VIPR2: variants seen among roughly 807,000 people sequenced by gnomAD.
VIPR2 encodes vasoactive intestinal peptide receptor 2.
VIPR2 carries 48 observed loss-of-function variants against 58.0 expected under a neutral mutation model. The ratio of observed to expected loss-of-function variants is 0.83; its 90% CI spans 0.66 to 1.05. VIPR2 has a LOEUF of 1.05. Ranked by LOEUF, VIPR2 falls within the 50% of genes least tolerant of loss-of-function variation. VIPR2 has a pLI of 0.00. For missense variants in VIPR2, 534 were observed against 558.0 expected, an observed-to-expected ratio of 0.96 and a Z score of 0.43; for synonymous variants, 243 against 235.2, an observed-to-expected ratio of 1.03 and a Z score of -0.30.
At chr7:159,046,873 T>C (rs542553564) in intron 5 of VIPR2, among the ~76,000 whole-genome samples, 1 of 152,344 alleles carries the variant, frequency 6.6e-6, no homozygotes, top group African/African-American at 2.4e-5. Flanking sequence ...AAAAATATTT[T>C]ACAAAAAGTG....
chr7:159,065,705 C>T (rs1311420137), intron 4 of VIPR2, among the ~76,000 whole-genome samples: 6 of 152,298 alleles, frequency 3.9e-5, no homozygotes, highest in South Asian at 2.1e-4. Context: ...GCACAGGAAA[C>T]GAGAAGACAT....
At chr7:159,104,270 T>G (rs72505600) in intron 3 of VIPR2, among the ~76,000 whole-genome samples, 1,763 of 141,808 alleles carry the variant, frequency 0.012, 30 homozygotes, top group Admixed American at 0.039. Flanking sequence ...GGCCAGGCCC[T>G]CACCACCGAC....
rs983667470 is a variant in VIPR2 at position 159,031,583 on chromosome 7, C to G, written c.1143+245G>C. ...GAGCTTTCCCGAGAGGGCTCCGAGA[C>G]GGACGGCAGTCGATGCTACTTAGGG... On this transcript the variant is annotated intron_variant, in intron 12 of 12. Coordinates refer to ENST00000262178, the MANE Select transcript of VIPR2 (RefSeq NM_003382.5). This position sits in a 1 kb window ranked among gnomAD's most constrained non-coding sequence, Gnocchi z 4.0. 17 of 985,338 alleles carry G rather than the reference C, an allele frequency of 1.7e-5. No individual in the cohort carries two copies. The highest frequency in any genetic ancestry group is 2.0e-5 in the Non-Finnish European group (17 of 829,912). The allele number at this position is 985,338 out of a possible 1,614,324, so 61.0% of individuals were successfully genotyped here.
intron 2 of VIPR2, among the ~76,000 whole-genome samples, chr7:159,137,618 G>C (rs1797282899): frequency 6.6e-6 from 1 of 152,162 alleles, no homozygotes; most frequent in African/African-American, 2.4e-5. Flanking sequence ...TTACCCTCCT[G>C]CCTCGATCTC....
rs1174846452 is a variant in VIPR2 at position 159,030,651 on chromosome 7, G to A, written c.1282C>T (p.Gln428Ter). Residue 428 changes from glutamine (Q) to a stop codon, truncating the protein, a stop_gained, in exon 13 of 13, where the codon CAG becomes TAG. Transcript: ENST00000262178. LOFTEE classifies it high-confidence loss of function. The part of the protein sequence containing the change: ...ALQFHRGSRA[Q>*]SFLQTETSVI ...GAGGTCTCCGTTTGCAGGAAGGACTGGGCGCGGGAGCCGCGGTGGAACTGC... is the reference window on the plus strand; with the variant it reads ...GAGGTCTCCGTTTGCAGGAAGGACTAGGCGCGGGAGCCGCGGTGGAACTGC... 94 of 1,558,252 alleles carry A rather than the reference G, an allele frequency of 6.0e-5. No individual in the cohort carries two copies. The highest frequency in any genetic ancestry group is 8.1e-5 in the Non-Finnish European group (93 of 1,152,562).
chr7:159,059,881 T>C (rs79476920), intron 4 of VIPR2, among the ~76,000 whole-genome samples: 11,319 of 149,026 alleles, frequency 0.076, 618 homozygotes, highest in Non-Finnish European at 0.11. Context: ...CACCTAACCA[T>C]GACCCTCACC....
chr7:159,126,474 G>C (rs777395438), intron 2 of VIPR2, among the ~76,000 whole-genome samples: 4 of 152,216 alleles, frequency 2.6e-5, no homozygotes, highest in Admixed American at 2.6e-4. Context: ...GGCAGAAACA[G>C]AGAGGAAAGA....
chr7:159,144,559 G>T (rs767788012), intron 1 of VIPR2, 162 bp downstream of exon 1: 10 of 1,456,938 alleles, frequency 6.9e-6, no homozygotes, highest in Non-Finnish European at 9.1e-6. Flanking sequence ...CACGCTCTCC[G>T]GGAGGAAGCT....
At chr7:159,063,860 T>TCTGGGGGTCCTGGTGGGG (rs1855900634) in intron 4 of VIPR2, among the ~76,000 whole-genome samples, 2 of 17,264 alleles carry the variant, frequency 1.2e-4, no homozygotes, top group Non-Finnish European at 1.1e-4. Context: ...GCCTGGTGGG[T>TCTGGGGGTCCTGGTGGGG]TCCGGGGGTC....
chr7:159,126,995 CT>C (rs1197405418), intron 2 of VIPR2, among the ~76,000 whole-genome samples: 1 of 152,220 alleles, frequency 6.6e-6, no homozygotes, highest in Non-Finnish European at 1.5e-5. Context: ...TAACATCCCC[CT>C]GGCTGGCAAG....
At chr7:159,071,277 A>T (rs1856374940) in intron 4 of VIPR2, among the ~76,000 whole-genome samples, 1 of 152,182 alleles carries the variant, frequency 6.6e-6, no homozygotes, top group Non-Finnish European at 1.5e-5. Flanking sequence ...AACTGCACAG[A>T]GGGTCTCTTC....
intron 4 of VIPR2, among the ~76,000 whole-genome samples, chr7:159,074,692 C>T (rs73730149): frequency 3.9e-5 from 6 of 152,114 alleles, no homozygotes; most frequent in Non-Finnish European, 8.8e-5. Flanking sequence ...AAATCTATAA[C>T]AACTTGTTTT....
chr7:159,030,456 C>A lies in VIPR2; in HGVS notation c.*160G>T. 1.3e-6 allele frequency: 1 copy of A among 766,300 alleles called. No homozygotes were observed. Among genetic ancestry groups the A allele is most frequent in the Non-Finnish European group, 1.9e-6 (1 of 521,262 alleles). 47.5% of individuals were successfully genotyped at this position (766,300 alleles called of 1,614,324 possible). Reference sequence around the variant, plus strand: ...GTCAATGACAACACGACTCCAATTCCAGGTATGGGGTTTAGTGGACAACCA... The same window carrying A: ...GTCAATGACAACACGACTCCAATTCAAGGTATGGGGTTTAGTGGACAACCA... On this transcript the variant is annotated 3_prime_UTR_variant, in exon 13 of 13. Coordinates refer to ENST00000262178, the MANE Select transcript of VIPR2 (RefSeq NM_003382.5).
At chr7:159,071,496 T>C (rs1856388322) in intron 4 of VIPR2, among the ~76,000 whole-genome samples, 1 of 152,170 alleles carries the variant, frequency 6.6e-6, no homozygotes, top group Non-Finnish European at 1.5e-5. Flanking sequence ...TTCTTCATGG[T>C]TCCTCAGTTG....
intron 4 of VIPR2, among the ~76,000 whole-genome samples, chr7:159,082,855 A>G (rs1011995636): frequency 2.0e-5 from 3 of 152,346 alleles, no homozygotes; most frequent in African/African-American, 7.2e-5. Context: ...GGCAGCTATC[A>G]TGAAGGGTGG....
chr7:159,046,452 A>G (rs1259047267), intron 5 of VIPR2, among the ~76,000 whole-genome samples: 1 of 152,228 alleles, frequency 6.6e-6, no homozygotes, highest in Non-Finnish European at 1.5e-5. Context: ...ACCAGTCACA[A>G]AAGGCCACAT....
At position 159,029,975 on chromosome 7, in the gene VIPR2, G is replaced by C. The variant is rs1390974282; in HGVS notation, c.*641C>G. On this transcript the variant is annotated 3_prime_UTR_variant, in exon 13 of 13. Transcript: ENST00000262178. ...GGGACCTGGGAGGCCGCCCTGATGT[G>C]GGACGGATGTCACCCGGTGGTCGCC... is the stretch of plus-strand genomic sequence containing the variant. 3 of 152,254 alleles carry C rather than the reference G, an allele frequency of 2.0e-5. No homozygotes were observed. Among genetic ancestry groups the C allele is most frequent in the African/African-American group, 7.2e-5 (3 of 41,452 alleles). The allele number at this position is 152,254 out of a possible 1,614,324, so 9.4% of individuals were successfully genotyped here. A position where few individuals can be genotyped will look rare whatever the true frequency, so the allele number is the denominator to read the frequency against.
intron 4 of VIPR2, among the ~76,000 whole-genome samples, chr7:159,092,164 A>C (rs7797488): frequency 0.35 from 53,040 of 152,210 alleles, 10,901 homozygotes; most frequent in African/African-American, 0.58. Context: ...ACCTGCACAG[A>C]CTGCCCACCT....
At chr7:159,045,471 A>T (rs1854588499) in intron 5 of VIPR2, among the ~76,000 whole-genome samples, 1 of 152,254 alleles carries the variant, frequency 6.6e-6, no homozygotes, top group African/African-American at 2.4e-5. Flanking sequence ...AGGACATTCA[A>T]TAGGGAAAGA....
Sources: allele counts gnomAD v4.1 joint callset (sites outside exome capture counted in the v4.1 genomes callset), GRCh38; gene constraint gnomAD v4.1.1; non-coding constraint Gnocchi (gnomAD v3.1); transcripts MANE v1.5; gene names NCBI Gene and HGNC (gene_info 2026-07-23, HGNC 2026-07-21).